The following PRKCZ variants were observed in gnomAD, a reference collection of about 807,000 sequenced individuals.
PRKCZ encodes the protein protein kinase C zeta.
PRKCZ carries 33 observed loss-of-function variants against 79.5 expected under a neutral mutation model. The observed-to-expected ratio is 0.41, with a 90% confidence interval of 0.31 to 0.55. The LOEUF (loss-of-function observed/expected upper bound fraction) is 0.55. Among genes scored for constraint, PRKCZ ranks in the 20% least tolerant of loss-of-function variants. The pLI is 0.19. For synonymous variants in PRKCZ, 342 were observed against 320.9 expected (o/e 1.07, Z -0.70); for missense variants, 578 against 813.5 (o/e 0.71, Z 3.52).
intron 4 of PRKCZ, among the ~76,000 whole-genome samples, chr1:2,080,843 C>T (rs975712277): frequency 1.4e-4 from 22 of 152,168 alleles, no homozygotes; most frequent in African/African-American, 5.3e-4. Context: ...TTTTCAACGA[C>T]CTTCGTAGTT....
chr1:2,050,537 C>G lies in PRKCZ; in HGVS notation c.-94C>G, dbSNP rs1261430186. 1.3e-6 allele frequency: 1 copy of G among 794,254 alleles called. No homozygotes were observed. The highest frequency in any genetic ancestry group is 1.8e-5 in the African/African-American group (1 of 55,242). 49.2% of individuals were successfully genotyped at this position (794,254 alleles called of 1,614,324 possible). ...CGCCGTCGGTCCTGAGCGCTGCCTT[C>G]CGCGTTCCGCCGCGGCCCCACCTGG... is the stretch of plus-strand genomic sequence containing the variant. On this transcript the variant is annotated 5_prime_UTR_variant, in exon 1 of 18. Coordinates refer to ENST00000378567, the MANE Select transcript of PRKCZ (RefSeq NM_002744.6).
At chr1:2,062,515 G>A (rs569594604) in intron 4 of PRKCZ, among the ~76,000 whole-genome samples, 10 of 146,060 alleles carry the variant, frequency 6.8e-5, no homozygotes, top group East Asian at 6.3e-4. Flanking sequence ...GAGGGGGGAC[G>A]GAGTTTTGTT....
intron 4 of PRKCZ, among the ~76,000 whole-genome samples, chr1:2,101,312 C>T (rs1229865341): frequency 1.3e-5 from 2 of 152,176 alleles, no homozygotes; most frequent in African/African-American, 2.4e-5. Flanking sequence ...GCACTGGCCA[C>T]GTCCTCTCAG....
chr1:2,055,391 G>T, intron 1 of PRKCZ, 50 bp from the exon 2 acceptor site: 1 of 1,534,094 alleles, frequency 6.5e-7, no homozygotes, highest in South Asian at 1.2e-5. Context: ...TTTTTAATTT[G>T]ATTCAAATAT....
In PRKCZ at chr1:2,103,619, T is replaced by C. The variant is rs562786711; in HGVS notation, c.335-31643T>C. 3.9e-5 allele frequency among the ~76,000 whole-genome samples: 6 copies of C among 152,234 alleles called. No individual in the cohort carries two copies. The East Asian group carries it at 1.2e-3, about 29-fold the overall frequency. The stretch of plus-strand genomic sequence containing the variant: ...GCGTGAGGCTGGGCACGGTGGCGCG[T>C]GTCTGTAGGCCTAGCTACGAGGGAG... On this transcript the variant is annotated intron_variant, in intron 4 of 17. Transcript: ENST00000378567.
At chr1:2,062,633 G>A (rs1660791834) in intron 4 of PRKCZ, among the ~76,000 whole-genome samples, 1 of 151,762 alleles carries the variant, frequency 6.6e-6, no homozygotes, top group African/African-American at 2.4e-5. Context: ...GGGATTACAG[G>A]TGTGTGTCAC....
chr1:2,150,000 T>C lies in PRKCZ; in HGVS notation c.688-790T>C, dbSNP rs1261344898. ...GGTGAAACCCCGTCTCTACTAAAAATACAAAAAAAAAAAAAGCTGGGCGTG... is the reference window on the plus strand; with the variant it reads ...GGTGAAACCCCGTCTCTACTAAAAACACAAAAAAAAAAAAAGCTGGGCGTG... On this transcript the variant is annotated intron_variant, in intron 8 of 17. Coordinates refer to ENST00000378567, the MANE Select transcript of PRKCZ (RefSeq NM_002744.6). This position sits in a 1 kb window ranked among gnomAD's most constrained non-coding sequence, Gnocchi z 4.1. Among the ~76,000 whole-genome samples the C allele has an allele frequency of 8.5e-6, 1 of 117,516 alleles. No individual in the cohort carries two copies. Among genetic ancestry groups the C allele is most frequent in the East Asian group, 2.5e-4 (1 of 3,998 alleles). The allele number at this position is 117,516 out of a possible 152,430, so 77.1% of individuals were successfully genotyped here.
In PRKCZ at chr1:2,172,845, CGGG is replaced by C. The variant is rs1196285529; in HGVS notation, c.1285+459_1285+461del. On this transcript the variant is annotated intron_variant, in intron 13 of 17. Transcript: ENST00000378567. The surrounding 1 kb of genome is among the most constrained non-coding windows in gnomAD (Gnocchi z 7.8). ...TCCTCTCCCCTCTCTGGGCGTGAAACGGGGACATGGGCACGCGTGTGCAGCCGT... is the reference window on the plus strand; with the variant it reads ...TCCTCTCCCCTCTCTGGGCGTGAAACGACATGGGCACGCGTGTGCAGCCGT... 6.6e-6 allele frequency among the ~76,000 whole-genome samples: 1 copy of C among 152,118 alleles called. No individual in the cohort carries two copies. The highest frequency in any genetic ancestry group is 1.9e-4 in the East Asian group (1 of 5,180).
chr1:2,106,669 A>G lies in PRKCZ; in HGVS notation c.335-28593A>G, dbSNP rs1412137069. ...GTGGGCGAGGACCTCCACGTGTGTC[A>G]CCAGGCCAGGTAACTCTCAGCAAGC... On this transcript the variant is annotated intron_variant, in intron 4 of 17. Coordinates refer to ENST00000378567, the MANE Select transcript of PRKCZ (RefSeq NM_002744.6). 3.2e-4 allele frequency among the ~76,000 whole-genome samples: 29 copies of G among 89,464 alleles called. 2 individuals are homozygous for G. Among genetic ancestry groups the G allele is most frequent in the African/African-American group, 1.4e-3 (27 of 19,566 alleles). The allele number at this position is 89,464 out of a possible 152,430, so 58.7% of individuals were successfully genotyped here. A position where few individuals can be genotyped will look rare whatever the true frequency, so the allele number is the denominator to read the frequency against.
intron 4 of PRKCZ, among the ~76,000 whole-genome samples, chr1:2,112,507 C>T (rs549445800): frequency 8.5e-5 from 13 of 152,308 alleles, no homozygotes; most frequent in African/African-American, 2.9e-4. Flanking sequence ...GCTGAGGTCC[C>T]GGCATGGGGG....
intron 4 of PRKCZ, among the ~76,000 whole-genome samples, chr1:2,117,146 C>A (rs1670907667): frequency 6.6e-6 from 1 of 152,092 alleles, no homozygotes; most frequent in South Asian, 2.1e-4. Context: ...GACAGGGTCT[C>A]CCTATGTTGC....
chr1:2,054,057 G>T lies in PRKCZ; in HGVS notation c.72-1384G>T, dbSNP rs373081515. 2.3e-4 allele frequency among the ~76,000 whole-genome samples: 35 copies of T among 152,292 alleles called. 1 individual carries two copies. In the East Asian group the frequency reaches 6.8e-3, roughly 29 times the overall value. ...AGGTGGGCCCTGGGCTGCTGTGTCAGGGCCGCGGCTGTGGACCGATCCTGT... is the reference window on the plus strand; with the variant it reads ...AGGTGGGCCCTGGGCTGCTGTGTCATGGCCGCGGCTGTGGACCGATCCTGT... On this transcript the variant is annotated intron_variant, in intron 1 of 17. Transcript: ENST00000378567.
rs1190072338 is a variant in PRKCZ, at chr1:2,165,328, G to A, written c.975-4190G>A. Among the ~76,000 whole-genome samples the A allele has an allele frequency of 6.6e-6, 1 of 152,180 alleles. No homozygotes were observed. Among genetic ancestry groups the A allele is most frequent in the Non-Finnish European group, 1.5e-5 (1 of 68,034 alleles). On this transcript the variant is annotated intron_variant, in intron 10 of 17. Coordinates refer to ENST00000378567, the MANE Select transcript of PRKCZ (RefSeq NM_002744.6). This position sits in a 1 kb window ranked among gnomAD's most constrained non-coding sequence, Gnocchi z 4.1. ...GGTGGGGACAGGACCTGGAAGTGGGGTTTCCAAGTGAGGGTTCTGGGCCCG... is the reference window on the plus strand; with the variant it reads ...GGTGGGGACAGGACCTGGAAGTGGGATTTCCAAGTGAGGGTTCTGGGCCCG...
At chr1:2,090,923 AAGC>A (rs1665384272) in intron 4 of PRKCZ, among the ~76,000 whole-genome samples, 1 of 152,252 alleles carries the variant, frequency 6.6e-6, no homozygotes, top group African/African-American at 2.4e-5. Flanking sequence ...ATTATGATCT[AAGC>A]AGATTATTGA....
chr1:2,064,893 T>C (rs1283382556), intron 4 of PRKCZ, among the ~76,000 whole-genome samples: 1 of 152,246 alleles, frequency 6.6e-6, no homozygotes, highest in Non-Finnish European at 1.5e-5. Flanking sequence ...AAAAACATTA[T>C]TGTGATTTTT....
Position 2,147,556 on chromosome 1 carries a change from G to A in PRKCZ, c.635-1316G>A, listed in dbSNP as rs561766149. Among the ~76,000 whole-genome samples the A allele has an allele frequency of 6.1e-5, 9 of 148,024 alleles. No homozygotes were observed. In the East Asian group the frequency reaches 1.9e-3, roughly 31 times the overall value. ...CACTGACCTCTCCACCCATCTGTCTGTTGTCCACTGACCTCTCCATCTTTC... is the reference window on the plus strand; with the variant it reads ...CACTGACCTCTCCACCCATCTGTCTATTGTCCACTGACCTCTCCATCTTTC... On this transcript the variant is annotated intron_variant, in intron 7 of 17. Transcript: ENST00000378567.
intron 4 of PRKCZ, among the ~76,000 whole-genome samples, chr1:2,130,294 A>C (rs187616142): frequency 2.5e-4 from 38 of 152,300 alleles, no homozygotes; most frequent in African/African-American, 8.9e-4. Flanking sequence ...GGGGACTGGC[A>C]TGGACCCCAT....
intron 9 of PRKCZ, among the ~76,000 whole-genome samples, chr1:2,152,174 A>T (rs957668737): frequency 1.3e-5 from 2 of 152,116 alleles, no homozygotes; most frequent in African/African-American, 4.8e-5. Flanking sequence ...CTTAATTCTG[A>T]CTTCATAGAC....
intron 5 of PRKCZ, among the ~76,000 whole-genome samples, chr1:2,135,751 C>A (rs1420285198): frequency 2.0e-5 from 3 of 152,258 alleles, no homozygotes; most frequent in Non-Finnish European, 4.4e-5. Flanking sequence ...TCTCCGTGAA[C>A]CCTGGAAGCT....
Sources: gnomAD v4.1 joint callset for allele counts (sites outside exome capture counted in the v4.1 genomes callset) on GRCh38, gnomAD v4.1.1 for gene constraint, Gnocchi (gnomAD v3.1) non-coding constraint, MANE v1.5 for transcripts, NCBI Gene and HGNC (gene_info 2026-07-23, HGNC 2026-07-21) for gene names.